JPH1: variants seen among roughly 807,000 people sequenced by gnomAD.
JPH1 encodes junctophilin-1.
JPH1 carries 12 observed loss-of-function variants against 53.6 expected under a neutral mutation model. That is an observed-to-expected ratio of 0.22 (90% confidence interval 0.14 to 0.36). The LOEUF is 0.36. JPH1 is among the 10% of genes least tolerant of loss of function. The pLI, the probability that JPH1 is intolerant of heterozygous loss-of-function variation, is 1.00. For synonymous variants in JPH1, 375 were observed against 363.8 expected (o/e 1.03, Z -0.35); for missense variants, 808 against 905.5 (o/e 0.89, Z 1.38).
At chr8:74,252,558 T>C (rs1038218693) in intron 3 of JPH1, among the ~76,000 whole-genome samples, 1 of 151,840 alleles carries the variant, frequency 6.6e-6, no homozygotes, top group East Asian at 1.9e-4. Context: ...TAACCTTAAA[T>C]GGAAATGGGC....
chr8:74,314,000 C>T (rs192171380), intron 2 of JPH1, among the ~76,000 whole-genome samples: 1 of 152,198 alleles, frequency 6.6e-6, no homozygotes, highest in Non-Finnish European at 1.5e-5. Flanking sequence ...GGTAAAACTT[C>T]AAGCACGTAG....
Position 74,256,595 on chromosome 8 carries a change from C to T in JPH1, c.1258+2790G>A, listed in dbSNP as rs368647389. Among the ~76,000 whole-genome samples the T allele has an allele frequency of 2.6e-3, 394 of 150,698 alleles. 3 individuals are homozygous for T. The highest frequency in any genetic ancestry group is 9.0e-3 in the African/African-American group (368 of 41,042). On this transcript the variant is annotated intron_variant, in intron 3 of 5. Transcript: ENST00000342232. Reference sequence around the variant, plus strand: ...AAAAACAACCCCATCAACAAGTGGGCGAAGGATATGAACAGACACTTCTCA... The same window carrying T: ...AAAAACAACCCCATCAACAAGTGGGTGAAGGATATGAACAGACACTTCTCA...
rs190540171 is a variant in JPH1 at position 74,270,394 on chromosome 8, C to A, written c.1140-10891G>T. 9.1e-4 allele frequency among the ~76,000 whole-genome samples: 138 copies of A among 152,226 alleles called. 1 individual carries two copies. Among genetic ancestry groups the A allele is most frequent in the African/African-American group, 3.3e-3 (136 of 41,542 alleles). The stretch of plus-strand genomic sequence containing the variant: ...GGGAGTCTCAAATTTGTTGAGTTTA[C>A]CTATTTTTAGCATTTGCTGTGTTAC... On this transcript the variant is annotated intron_variant, in intron 2 of 5. Transcript: ENST00000342232.
At chr8:74,239,274 G>A (rs1805626732) in intron 4 of JPH1, among the ~76,000 whole-genome samples, 1 of 151,948 alleles carries the variant, frequency 6.6e-6, no homozygotes, top group South Asian at 2.1e-4. Context: ...AGTTTCCTCA[G>A]CCAGTTTGAA....
At chr8:74,245,794 AT>A (rs201944441) in intron 3 of JPH1, among the ~76,000 whole-genome samples, 35 of 148,830 alleles carry the variant, frequency 2.4e-4, no homozygotes, top group South Asian at 1.9e-3. Context: ...TAGCTTCAAG[AT>A]TTTTTTTTTC....
chr8:74,292,204 G>A (rs1050930017), intron 2 of JPH1, among the ~76,000 whole-genome samples: 1 of 152,058 alleles, frequency 6.6e-6, no homozygotes, highest in African/African-American at 2.4e-5. Flanking sequence ...AGAAAAAAAC[G>A]TTCTGAAAAA....
intron 2 of JPH1, among the ~76,000 whole-genome samples, chr8:74,292,235 C>A (rs1344443542): frequency 1.3e-5 from 2 of 152,142 alleles, no homozygotes; most frequent in Non-Finnish European, 2.9e-5. Flanking sequence ...TCCCACATGG[C>A]ACTTACTCTC....
At chr8:74,282,681 C>A (rs1342375768) in intron 2 of JPH1, among the ~76,000 whole-genome samples, 1 of 151,982 alleles carries the variant, frequency 6.6e-6, no homozygotes, top group African/African-American at 2.4e-5. Context: ...ATGAGGATAG[C>A]CAGAGGAGGT....
intron 2 of JPH1, among the ~76,000 whole-genome samples, chr8:74,306,427 A>T (rs533413747): frequency 6.6e-6 from 1 of 152,308 alleles, no homozygotes; most frequent in East Asian, 1.9e-4. Context: ...CTCCCATGGG[A>T]AATGGACATT....
At position 74,235,490 on chromosome 8, in the gene JPH1, A is replaced by G. The variant is rs1260176944; in HGVS notation, c.*1561T>C. On this transcript the variant is annotated 3_prime_UTR_variant, in exon 6 of 6. Coordinates refer to ENST00000342232, the MANE Select transcript of JPH1 (RefSeq NM_020647.4). ...TCTCTTCTCCATTGAAAAGGTAGCTAATATGGTGTAAAAAAAAAAAAAAAT... is the reference window on the plus strand; with the variant it reads ...TCTCTTCTCCATTGAAAAGGTAGCTGATATGGTGTAAAAAAAAAAAAAAAT... 1.1e-5 allele frequency: 1 copy of G among 87,078 alleles called. No individual in the cohort carries two copies. Among genetic ancestry groups the G allele is most frequent in the African/African-American group, 5.3e-5 (1 of 18,844 alleles). The allele number at this position is 87,078 out of a possible 1,614,324, so 5.4% of individuals were successfully genotyped here.
chr8:74,246,433 C>T (rs1235317099), intron 3 of JPH1, among the ~76,000 whole-genome samples: 1 of 152,178 alleles, frequency 6.6e-6, no homozygotes, highest in Admixed American at 6.5e-5. Context: ...ATACTGCACA[C>T]TTACACTTGT....
intron 2 of JPH1, among the ~76,000 whole-genome samples, chr8:74,283,644 A>G (rs893034211): frequency 6.6e-6 from 1 of 152,230 alleles, no homozygotes; most frequent in Admixed American, 6.5e-5. Context: ...TTTTAGTTCT[A>G]TTTTTATCTT....
chr8:74,242,006 C>G (rs575557334), intron 4 of JPH1, among the ~76,000 whole-genome samples: 3 of 152,220 alleles, frequency 2.0e-5, no homozygotes, highest in African/African-American at 7.2e-5. Flanking sequence ...GAATGCGTGC[C>G]CCTAGGACAT....
chr8:74,306,357 T>C (rs1478397525), intron 2 of JPH1, among the ~76,000 whole-genome samples: 2 of 152,204 alleles, frequency 1.3e-5, no homozygotes, highest in African/African-American at 4.8e-5. Flanking sequence ...TGGACAATCA[T>C]GTCTTTCTTT....
chr8:74,276,734 C>T (rs576585924), intron 2 of JPH1, among the ~76,000 whole-genome samples: 10 of 152,182 alleles, frequency 6.6e-5, no homozygotes, highest in Non-Finnish European at 1.2e-4. Context: ...CTGTCCTAGT[C>T]GAGCTGTAGA....
intron 2 of JPH1, among the ~76,000 whole-genome samples, chr8:74,281,603 C>A (rs940358411): frequency 6.9e-4 from 105 of 152,260 alleles, no homozygotes; most frequent in African/African-American, 2.4e-3. Flanking sequence ...GTAAAAGATG[C>A]TAAGAGTTCT....
chr8:74,287,669 C>CT (rs770530034), intron 2 of JPH1, among the ~76,000 whole-genome samples: 3,635 of 136,770 alleles, frequency 0.027, 51 homozygotes, highest in Non-Finnish European at 0.034. Flanking sequence ...AGTCTAGTTT[C>CT]TTTTTTTTTT....
intron 2 of JPH1, among the ~76,000 whole-genome samples, chr8:74,283,996 G>A (rs1312534258): frequency 6.6e-6 from 1 of 152,142 alleles, no homozygotes; most frequent in Non-Finnish European, 1.5e-5. Context: ...CCTCCACCCA[G>A]GAGATTCAAG....
intron 2 of JPH1, among the ~76,000 whole-genome samples, chr8:74,290,054 C>T (rs893051354): frequency 8.5e-5 from 13 of 152,138 alleles, no homozygotes; most frequent in Non-Finnish European, 2.9e-5. Context: ...ACTGAATGGG[C>T]AAAAACTGGA....
Sources: gnomAD v4.1 joint callset for allele counts (sites outside exome capture counted in the v4.1 genomes callset) on GRCh38, gnomAD v4.1.1 for gene constraint, MANE v1.5 for transcripts, NCBI Gene and HGNC (gene_info 2026-07-23, HGNC 2026-07-21) for gene names.